MGAT4C: variants seen among roughly 807,000 people sequenced by gnomAD.
MGAT4C encodes the protein MGAT4 family member C.
MGAT4C carries 19 observed loss-of-function variants against 40.1 expected under a neutral mutation model. The observed-to-expected ratio is 0.47, with a 90% CI of 0.33 to 0.70. MGAT4C has a LOEUF of 0.70. MGAT4C is among the 30% of genes least tolerant of loss of function. The pLI is 0.02. For synonymous variants in MGAT4C, 181 were observed against 187.1 expected (o/e 0.97, Z 0.27); for missense variants, 491 against 563.2 (o/e 0.87, Z 1.30).
chr12:86,041,762 A>G (rs948353711), intron 2 of MGAT4C, among the ~76,000 whole-genome samples: 3 of 152,136 alleles, frequency 2.0e-5, no homozygotes, highest in Non-Finnish European at 2.9e-5. Flanking sequence ...TTCAGAGTAT[A>G]CCCGTGTGCA....
At chr12:86,078,606 G>A (rs755090827) in intron 1 of MGAT4C, among the ~76,000 whole-genome samples, 3 of 152,168 alleles carry the variant, frequency 2.0e-5, no homozygotes, top group Non-Finnish European at 1.5e-5. Context: ...GTGCTATATC[G>A]AAGGCTCAGT....
At chr12:86,230,009 A>G (rs1218556891) in intron 1 of MGAT4C, among the ~76,000 whole-genome samples, 1 of 152,040 alleles carries the variant, frequency 6.6e-6, no homozygotes, top group Non-Finnish European at 1.5e-5. Flanking sequence ...TGTCAATCTA[A>G]CTAATCAGAA....
At chr12:86,089,369 T>G (rs1022664056) in intron 1 of MGAT4C, among the ~76,000 whole-genome samples, 2 of 151,890 alleles carry the variant, frequency 1.3e-5, no homozygotes, top group Non-Finnish European at 2.9e-5. Context: ...TTGTGGGCTA[T>G]TATATATTCA....
intron 2 of MGAT4C, among the ~76,000 whole-genome samples, chr12:86,045,842 A>T (rs1278317560): frequency 6.6e-6 from 1 of 152,220 alleles, no homozygotes; most frequent in Non-Finnish European, 1.5e-5. Context: ...ACAAAATTCC[A>T]TCTCAAGTAA....
At chr12:86,358,976 C>G (rs1216780301) in intron 3 of MGAT4C, among the ~76,000 whole-genome samples, 4 of 152,162 alleles carry the variant, frequency 2.6e-5, no homozygotes, top group African/African-American at 9.7e-5. Context: ...ACCAGGTAGA[C>G]CTAATAGACA....
At chr12:86,384,406 G>A (rs1429316356) in intron 3 of MGAT4C, among the ~76,000 whole-genome samples, 1 of 152,078 alleles carries the variant, frequency 6.6e-6, no homozygotes, top group Non-Finnish European at 1.5e-5. Context: ...TCATCTTTAG[G>A]GACACTGATT....
intron 1 of MGAT4C, among the ~76,000 whole-genome samples, chr12:86,815,321 A>G (rs1952579812): frequency 1.3e-5 from 2 of 151,994 alleles, no homozygotes; most frequent in Admixed American, 6.6e-5. Context: ...TGTAAGAATG[A>G]CCATAATCAA....
chr12:86,755,871 C>G (rs1241663902), intron 1 of MGAT4C, among the ~76,000 whole-genome samples: 3 of 151,910 alleles, frequency 2.0e-5, no homozygotes, highest in African/African-American at 4.8e-5. Flanking sequence ...TAGTCACAAA[C>G]TCCTGGACTC....
chr12:86,260,689 T>C (rs1952639927), upstream of MGAT4C, among the ~76,000 whole-genome samples: 1 of 152,122 alleles, frequency 6.6e-6, no homozygotes, highest in South Asian at 2.1e-4. Flanking sequence ...AATTATTGAC[T>C]GTATATTTTA....
intron 3 of MGAT4C, among the ~76,000 whole-genome samples, chr12:86,344,617 C>A (rs565840857): frequency 1.3e-4 from 19 of 151,860 alleles, no homozygotes; most frequent in Middle Eastern, 6.8e-3. Context: ...ACAGACTATA[C>A]AAAGTGTTTA....
At chr12:86,061,097 C>G (rs1000957514) in intron 1 of MGAT4C, among the ~76,000 whole-genome samples, 4 of 152,106 alleles carry the variant, frequency 2.6e-5, no homozygotes, top group Admixed American at 2.6e-4. Context: ...CAGCTTTGGT[C>G]TGCAGCTCCC....
intron 2 of MGAT4C, among the ~76,000 whole-genome samples, chr12:86,588,467 C>A (rs1433958909): frequency 6.6e-6 from 1 of 151,946 alleles, no homozygotes; most frequent in Non-Finnish European, 1.5e-5. Flanking sequence ...GACTTTAACA[C>A]CCCACTGTCA....
At chr12:86,429,618 T>G (rs1239703339) in intron 3 of MGAT4C, among the ~76,000 whole-genome samples, 1 of 152,208 alleles carries the variant, frequency 6.6e-6, no homozygotes, top group African/African-American at 2.4e-5. Flanking sequence ...CTCTCTTGCT[T>G]GAAGACTTTC....
intron 1 of MGAT4C, among the ~76,000 whole-genome samples, chr12:86,076,850 ATC>A (rs369885224): frequency 7.2e-5 from 11 of 152,200 alleles, no homozygotes; most frequent in African/African-American, 2.7e-4. Context: ...AAACCATATC[ATC>A]ACACAATAAG....
At chr12:86,015,208 T>C (rs906244476) in intron 2 of MGAT4C, among the ~76,000 whole-genome samples, 1 of 151,470 alleles carries the variant, frequency 6.6e-6, no homozygotes, top group African/African-American at 2.4e-5. Flanking sequence ...ATAATAAGGT[T>C]GGTGCAAAAG....
At chr12:86,117,758 G>A (rs922286015) in intron 1 of MGAT4C, among the ~76,000 whole-genome samples, 18 of 152,074 alleles carry the variant, frequency 1.2e-4, no homozygotes, top group Non-Finnish European at 2.4e-4. Context: ...CTATCATTAG[G>A]GCCAGTGGAA....
At chr12:86,361,689 A>G (rs1335283863) in intron 3 of MGAT4C, among the ~76,000 whole-genome samples, 2 of 152,214 alleles carry the variant, frequency 1.3e-5, no homozygotes, top group East Asian at 3.8e-4. Context: ...ATTAACAGAC[A>G]CTTCTCAAAA....
intron 1 of MGAT4C, among the ~76,000 whole-genome samples, chr12:86,242,259 C>CA (rs1227299026): frequency 1.3e-5 from 2 of 152,066 alleles, no homozygotes; most frequent in African/African-American, 2.4e-5. Flanking sequence ...GAACGCGTTA[C>CA]AAAAAATCTC....
chr12:86,447,896 T>C (rs1323975666), intron 2 of MGAT4C, among the ~76,000 whole-genome samples: 1 of 152,200 alleles, frequency 6.6e-6, no homozygotes, highest in Non-Finnish European at 1.5e-5. Flanking sequence ...TCCAGGCTTT[T>C]ACAAGTGTCA....
Sources: allele counts gnomAD v4.1 joint callset (sites outside exome capture counted in the v4.1 genomes callset), GRCh38; gene constraint gnomAD v4.1.1; transcripts MANE v1.5; gene names NCBI Gene and HGNC (gene_info 2026-07-23, HGNC 2026-07-21).